MDM4: variants seen among roughly 807,000 people sequenced by gnomAD.
MDM4 encodes the protein protein Mdm4.
MDM4 carries 2 observed loss-of-function variants against 60.2 expected under a neutral mutation model. The observed-to-expected ratio is 0.03, with a 90% CI of 0.01 to 0.10. The LOEUF (loss-of-function observed/expected upper bound fraction) is 0.10, where lower values mean the gene tolerates loss of function less well. Among genes scored for constraint, MDM4 ranks in the 10% least tolerant of loss-of-function variants. MDM4 has a pLI of 1.00. For missense variants in MDM4, 447 were observed against 577.5 expected (o/e 0.77, Z 2.32); for synonymous variants, 202 against 198.1 (o/e 1.02, Z -0.17).
At position 204,556,933 on chromosome 1, in the gene MDM4, A is replaced by T. The variant is rs928558835; in HGVS notation, c.*7251A>T. ...GACTTTCTTTAGTCTCTAGCTATGC[A>T]CTATTAAGTGCCTCTTGGGTAGAGG... On this transcript the variant is annotated 3_prime_UTR_variant, in exon 11 of 11. Coordinates refer to ENST00000367182, the MANE Select transcript of MDM4 (RefSeq NM_002393.5). The T allele has an allele frequency of 4.8e-6, 1 of 208,592 alleles. No homozygotes were observed. Among genetic ancestry groups the T allele is most frequent in the African/African-American group, 2.3e-5 (1 of 43,930 alleles). 12.9% of individuals were successfully genotyped at this position (208,592 alleles called of 1,614,324 possible).
chr1:204,543,534 C>T (rs1662347931), intron 8 of MDM4, among the ~76,000 whole-genome samples: 1 of 152,196 alleles, frequency 6.6e-6, no homozygotes, highest in African/African-American at 2.4e-5. Context: ...GTTCTTTACT[C>T]TTTCTGGAAC....
At chr1:204,524,516 C>T (rs549445588) in intron 1 of MDM4, among the ~76,000 whole-genome samples, 15 of 152,328 alleles carry the variant, frequency 9.8e-5, no homozygotes, top group African/African-American at 2.9e-4. Context: ...TGGTGGCTCA[C>T]GCCTGTAATC....
intron 6 of MDM4, chr1:204,537,846 TC>T (rs1661574818): frequency 1.5e-6 from 1 of 656,916 alleles, no homozygotes; most frequent in African/African-American, 1.8e-5. Context: ...TCCTAAAGCT[TC>T]CCCAAACCTG....
chr1:204,523,874 C>G (rs542295587), intron 1 of MDM4, among the ~76,000 whole-genome samples: 11 of 152,288 alleles, frequency 7.2e-5, no homozygotes, highest in African/African-American at 2.6e-4. Context: ...CAGGTAGCCC[C>G]TACTTCTGTG....
At chr1:204,528,003 A>C (rs1660398504) in intron 3 of MDM4, among the ~76,000 whole-genome samples, 2 of 151,990 alleles carry the variant, frequency 1.3e-5, no homozygotes, top group Admixed American at 1.3e-4. Context: ...ATTTTAAATT[A>C]AGCACATCGT....
chr1:204,543,031 T>G, intron 8 of MDM4, 87 bp downstream of exon 8: 2 of 1,140,928 alleles, frequency 1.8e-6, no homozygotes, highest in Non-Finnish European at 2.5e-6. Context: ...TTATATTCTC[T>G]AAGAATTCTT....
At chr1:204,543,263 T>C (rs1460789429) in intron 8 of MDM4, among the ~76,000 whole-genome samples, 1 of 152,168 alleles carries the variant, frequency 6.6e-6, no homozygotes, top group Non-Finnish European at 1.5e-5. Flanking sequence ...CCTATAACAC[T>C]GGGAGGCCGA....
chr1:204,539,664 G>A lies in MDM4; in HGVS notation c.511+1356G>A, dbSNP rs532180086. ...CGATTCTCCTGCCTCAGCCTCCTAA[G>A]TAGCTGGGATTACAGGCGTGCACCA... On this transcript the variant is annotated intron_variant, in intron 7 of 10. Transcript: ENST00000367182. 1.1e-4 allele frequency among the ~76,000 whole-genome samples: 17 copies of A among 151,336 alleles called. 1 individual carries two copies. The South Asian group carries it at 3.3e-3, about 30-fold the overall frequency.
intron 5 of MDM4, 52 bp downstream of exon 5, chr1:204,532,298 G>A (rs747240462): frequency 7.1e-6 from 8 of 1,129,460 alleles, no homozygotes; most frequent in Non-Finnish European, 9.3e-6. Flanking sequence ...AGTTCAAGGG[G>A]GCAAATGATG....
At chr1:204,528,163 A>G (rs1660430070) in intron 3 of MDM4, among the ~76,000 whole-genome samples, 1 of 152,032 alleles carries the variant, frequency 6.6e-6, no homozygotes, top group Non-Finnish European at 1.5e-5. Context: ...ATGCAAATTA[A>G]AAAAAGTATT....
rs1663323211 is a variant in MDM4 at position 204,552,872 on chromosome 1, C to CTTTTCTT, written c.*3194_*3195insCTTTTTT. 1 of 133,572 alleles carries CTTTTCTT rather than the reference C, an allele frequency of 7.5e-6. No homozygotes were observed. Among genetic ancestry groups the CTTTTCTT allele is most frequent in the East Asian group, 1.7e-4 (1 of 6,058 alleles). The allele number at this position is 133,572 out of a possible 1,614,324, so 8.3% of individuals were successfully genotyped here. A position where few individuals can be genotyped will look rare whatever the true frequency, so the allele number is the denominator to read the frequency against. ...AACTTTAAACTATTTCTTTTCTTTT[C>CTTTTCTT]TTTTTTTTTTTTTTTTACTTGAGAT... On this transcript the variant is annotated 3_prime_UTR_variant, in exon 11 of 11. Transcript: ENST00000367182.
intron 10 of MDM4, among the ~76,000 whole-genome samples, chr1:204,547,602 C>T (rs1662791670): frequency 6.6e-6 from 1 of 152,202 alleles, no homozygotes; most frequent in Admixed American, 6.5e-5. Flanking sequence ...CCATTCCCAC[C>T]ACACCACTGT....
chr1:204,527,483 A>G (rs935649385), intron 3 of MDM4, among the ~76,000 whole-genome samples: 3 of 152,114 alleles, frequency 2.0e-5, no homozygotes, highest in Non-Finnish European at 4.4e-5. Flanking sequence ...GAGAAACCCC[A>G]TCTCTACTAA....
chr1:204,549,046 C>G, intron 10 of MDM4, 67 bp from the exon 11 acceptor site: 1 of 987,384 alleles, frequency 1.0e-6, no homozygotes, highest in South Asian at 1.5e-5. Flanking sequence ...TGAATTTGAC[C>G]TCCTTTCCTT....
intron 8 of MDM4, among the ~76,000 whole-genome samples, chr1:204,544,305 G>A (rs529730922): frequency 6.6e-6 from 1 of 152,286 alleles, no homozygotes; most frequent in Non-Finnish European, 1.5e-5. Flanking sequence ...ACCTGATTTA[G>A]TGTTAAAAGA....
intron 1 of MDM4, among the ~76,000 whole-genome samples, chr1:204,522,832 GT>G (rs1659699381): frequency 6.7e-6 from 1 of 149,234 alleles, no homozygotes; most frequent in Admixed American, 6.7e-5. Flanking sequence ...GAGGGATCTT[GT>G]TATCTTCAGC....
At position 204,550,359 on chromosome 1, in the gene MDM4, C is replaced by G. The variant is rs945508045; in HGVS notation, c.*677C>G. 9.2e-6 allele frequency: 2 copies of G among 216,776 alleles called. No homozygotes were observed. The highest frequency in any genetic ancestry group is 1.9e-5 in the Non-Finnish European group (2 of 107,586). The allele number at this position is 216,776 out of a possible 1,614,324, so 13.4% of individuals were successfully genotyped here. On this transcript the variant is annotated 3_prime_UTR_variant, in exon 11 of 11. Coordinates refer to ENST00000367182, the MANE Select transcript of MDM4 (RefSeq NM_002393.5). ...GGCTAATTTTTTGTGGAGATGAAGT[C>G]TCACTATGTTGCCCAGGCTGGTCTC...
Position 204,537,455 on chromosome 1 carries a change from A to G in MDM4, c.369A>G (p.Ala123=), listed in dbSNP as rs776545680. 1.2e-6 allele frequency: 2 copies of G among 1,613,848 alleles called. No homozygotes were observed. The highest frequency in any genetic ancestry group is 1.7e-6 in the Non-Finnish European group (2 of 1,179,740). ...TTDAAQTLAL[A]QDHSMDIPSQ... ...ATGCTGCTCAGACTCTCGCTCTCGCACAGGATCACAGTATGGATATTCCAA... is the reference window on the plus strand; with the variant it reads ...ATGCTGCTCAGACTCTCGCTCTCGCGCAGGATCACAGTATGGATATTCCAA... Residue 123 remains alanine, a synonymous_variant, in exon 6 of 11, where the codon GCA becomes GCG. Coordinates refer to ENST00000367182, the MANE Select transcript of MDM4 (RefSeq NM_002393.5).
intron 10 of MDM4, 29 bp from the exon 11 acceptor site, chr1:204,549,084 G>A: frequency 4.4e-6 from 6 of 1,359,708 alleles, no homozygotes; most frequent in Non-Finnish European, 6.2e-6. Context: ...AACCCCCTGA[G>A]TATTAATTGG....
Sources: allele counts gnomAD v4.1 joint callset (sites outside exome capture counted in the v4.1 genomes callset), GRCh38; gene constraint gnomAD v4.1.1; transcripts MANE v1.5; gene names NCBI Gene and HGNC (gene_info 2026-07-23, HGNC 2026-07-21).